MACROD2: variants seen among roughly 807,000 people sequenced by gnomAD.
The protein encoded by MACROD2 is ADP-ribose glycohydrolase MACROD2.
Under a neutral mutation model 70.4 loss-of-function variants are expected in MACROD2, and 36 were observed. The ratio of observed to expected loss-of-function variants is 0.51; its 90% CI spans 0.39 to 0.68. MACROD2 has a LOEUF of 0.68. Among genes scored for constraint, MACROD2 ranks in the 30% least tolerant of loss-of-function variants. The pLI is 0.00. For missense variants in MACROD2, 496 were observed against 538.4 expected (o/e 0.92, Z 0.78); for synonymous variants, 172 against 178.8 (o/e 0.96, Z 0.30).
intron 8 of MACROD2, among the ~76,000 whole-genome samples, chr20:15,665,397 T>C (rs1285294048): frequency 2.6e-5 from 4 of 152,120 alleles, no homozygotes; most frequent in African/African-American, 9.7e-5. Context: ...AGGATATAAC[T>C]CACCCCTTAC....
At chr20:15,338,465 T>C (rs2078073056) in intron 6 of MACROD2, among the ~76,000 whole-genome samples, 1 of 151,312 alleles carries the variant, frequency 6.6e-6, no homozygotes, top group Non-Finnish European at 1.5e-5. Context: ...TTTTTTTTTT[T>C]CTCCTTAGGT....
intron 6 of MACROD2, among the ~76,000 whole-genome samples, chr20:15,390,124 A>G (rs2146292099): frequency 6.6e-6 from 1 of 152,320 alleles, no homozygotes; most frequent in East Asian, 1.9e-4. Flanking sequence ...AAACTCCTTC[A>G]GGGTCTTAAG....
intron 8 of MACROD2, among the ~76,000 whole-genome samples, chr20:15,795,970 T>G (rs2063669681): frequency 6.6e-6 from 1 of 152,172 alleles, no homozygotes; most frequent in South Asian, 2.1e-4. Context: ...CTGGGAGATC[T>G]TCGGAGAGAC....
chr20:15,379,381 C>G (rs2045609758), intron 6 of MACROD2, among the ~76,000 whole-genome samples: 1 of 152,018 alleles, frequency 6.6e-6, no homozygotes, highest in Non-Finnish European at 1.5e-5. Context: ...CATAGTTTGA[C>G]CTAATATTTG....
intron 5 of MACROD2, among the ~76,000 whole-genome samples, chr20:14,874,671 GTATT>G (rs71190161): frequency 0.23 from 32,732 of 142,970 alleles, 4,107 homozygotes; most frequent in African/African-American, 0.32. Context: ...AAAAAAGGTT[GTATT>G]TATTTATTTA....
At chr20:15,716,856 G>A (rs561583477) in intron 8 of MACROD2, among the ~76,000 whole-genome samples, 1 of 152,240 alleles carries the variant, frequency 6.6e-6, no homozygotes, top group East Asian at 1.9e-4. Context: ...ATACTGAAAG[G>A]TGTAATGGGA....
At chr20:14,404,827 A>G (rs946422159) in intron 3 of MACROD2, among the ~76,000 whole-genome samples, 26 of 152,246 alleles carry the variant, frequency 1.7e-4, no homozygotes, top group African/African-American at 6.0e-4. Flanking sequence ...ATGCAACACT[A>G]GAAATGAATC....
chr20:14,629,612 G>A (rs1984386122), intron 4 of MACROD2, among the ~76,000 whole-genome samples: 1 of 152,176 alleles, frequency 6.6e-6, no homozygotes, highest in South Asian at 2.1e-4. Flanking sequence ...CTGTAGGAAA[G>A]GTGGCTTTCC....
intron 3 of MACROD2, among the ~76,000 whole-genome samples, chr20:14,101,860 A>G (rs1039044673): frequency 1.4e-4 from 21 of 151,824 alleles, no homozygotes; most frequent in Non-Finnish European, 2.2e-4. Flanking sequence ...TAGACAAAAT[A>G]AAACATCAAT....
intron 15 of MACROD2, among the ~76,000 whole-genome samples, chr20:16,018,488 A>G (rs2066959887): frequency 6.6e-6 from 1 of 152,080 alleles, no homozygotes; most frequent in Non-Finnish European, 1.5e-5. Context: ...TTTTCCTTGC[A>G]GATGGTCTTA....
chr20:14,337,116 C>T (rs2082952876), intron 3 of MACROD2, among the ~76,000 whole-genome samples: 1 of 152,174 alleles, frequency 6.6e-6, no homozygotes, highest in East Asian at 1.9e-4. Context: ...TTGAACTTTC[C>T]AACTTGCTGT....
At chr20:14,890,117 A>G (rs1285145613) in intron 5 of MACROD2, among the ~76,000 whole-genome samples, 2 of 152,130 alleles carry the variant, frequency 1.3e-5, no homozygotes, top group Non-Finnish European at 2.9e-5. Flanking sequence ...TGTTATGGAA[A>G]TGGAAGCAGG....
intron 8 of MACROD2, among the ~76,000 whole-genome samples, chr20:15,751,918 T>G (rs1221583752): frequency 6.6e-6 from 1 of 151,390 alleles, no homozygotes; most frequent in African/African-American, 2.4e-5. Context: ...GTGCTGTGAA[T>G]AAAAGAATGA....
intron 3 of MACROD2, among the ~76,000 whole-genome samples, chr20:14,479,873 A>G (rs1302978449): frequency 2.0e-5 from 3 of 152,136 alleles, no homozygotes; most frequent in African/African-American, 7.2e-5. Flanking sequence ...TATTTACTAT[A>G]GTTATATCTT....
At chr20:15,796,066 T>C (rs957646440) in intron 8 of MACROD2, among the ~76,000 whole-genome samples, 1 of 152,160 alleles carries the variant, frequency 6.6e-6, no homozygotes, top group Non-Finnish European at 1.5e-5. Flanking sequence ...TAAAAGACTG[T>C]GTTGCACCCC....
chr20:15,573,513 G>A (rs2048403280), intron 8 of MACROD2, among the ~76,000 whole-genome samples: 1 of 152,130 alleles, frequency 6.6e-6, no homozygotes, highest in Non-Finnish European at 1.5e-5. Flanking sequence ...AGACAGCCTA[G>A]GATGAGAGAG....
At chr20:14,187,859 A>T (rs887264947) in intron 3 of MACROD2, among the ~76,000 whole-genome samples, 3 of 152,068 alleles carry the variant, frequency 2.0e-5, no homozygotes, top group Non-Finnish European at 2.9e-5. Flanking sequence ...TCTATTAACT[A>T]TTTTTTTGTA....
intron 2 of MACROD2, among the ~76,000 whole-genome samples, chr20:14,038,350 A>G (rs1208333729): frequency 2.6e-5 from 4 of 152,182 alleles, no homozygotes; most frequent in Non-Finnish European, 5.9e-5. Flanking sequence ...TGTGCCAGGT[A>G]TAGTTGTGTT....
intron 5 of MACROD2, among the ~76,000 whole-genome samples, chr20:15,080,755 A>T (rs2075697198): frequency 6.6e-6 from 1 of 152,148 alleles, no homozygotes; most frequent in African/African-American, 2.4e-5. Flanking sequence ...TTCGAAAAGA[A>T]CTATGAGTGT....
Sources: gnomAD v4.1 joint callset for allele counts (sites outside exome capture counted in the v4.1 genomes callset) on GRCh38, gnomAD v4.1.1 for gene constraint, MANE v1.5 for transcripts, NCBI Gene and HGNC (gene_info 2026-07-23, HGNC 2026-07-21) for gene names.